BMPR2: variants seen among roughly 807,000 people sequenced by gnomAD.
BMPR2 encodes bone morphogenetic protein receptor type-2.
In BMPR2, 29 loss-of-function variants were observed where a neutral mutation model predicts 100.8. The ratio of observed to expected loss-of-function variants is 0.29; its 90% confidence interval spans 0.21 to 0.39. The LOEUF is 0.39. Ranked by LOEUF, BMPR2 falls within the 10% of genes least tolerant of loss-of-function variation. BMPR2 has a pLI of 1.00. For synonymous variants in BMPR2, 382 were observed against 442.3 expected (o/e 0.86, Z 1.71); for missense variants, 1,011 against 1,274.5 (o/e 0.79, Z 3.15).
chr2:202,555,716 A>G lies in BMPR2; in HGVS notation c.2051A>G (p.Asn684Ser), dbSNP rs1574506814. Residue 684 changes from asparagine (N) to serine (S), a missense_variant, in exon 12 of 13, where the codon AAT becomes AGT. Transcript: ENST00000374580. ...AACCTCAAGGAAAGCTCTGATGAGAATCTCATGGAGCACTCTCTTAAACAG... is the reference window on the plus strand; with the variant it reads ...AACCTCAAGGAAAGCTCTGATGAGAGTCTCATGGAGCACTCTCTTAAACAG... ...DKNLKESSDE[N>S]LMEHSLKQFS... is the part of the protein sequence containing the mutation. 1.9e-6 allele frequency: 3 copies of G among 1,614,138 alleles called. No individual in the cohort carries two copies. In the East Asian group the frequency reaches 6.7e-5, roughly 36 times the overall value.
chr2:202,546,728 C>T (rs566291903), intron 10 of BMPR2, among the ~76,000 whole-genome samples: 6 of 152,162 alleles, frequency 3.9e-5, no homozygotes, highest in East Asian at 3.9e-4. Flanking sequence ...CTCTGCCTCC[C>T]GAGTAGCTGG....
chr2:202,446,190 T>G (rs1691845521), intron 1 of BMPR2, among the ~76,000 whole-genome samples: 1 of 150,066 alleles, frequency 6.7e-6, no homozygotes, highest in African/African-American at 2.5e-5. Context: ...CCCCTGAGGT[T>G]GGGAGTTCAA....
intron 7 of BMPR2, among the ~76,000 whole-genome samples, chr2:202,525,842 A>G (rs907513634): frequency 7.8e-6 from 1 of 127,986 alleles, no homozygotes; most frequent in Non-Finnish European, 1.6e-5. Context: ...TATTTTTGCT[A>G]GTTGTTCAGA....
chr2:202,402,648 T>TTGTGTGTG lies in BMPR2; in HGVS notation c.76+25118_76+25125dup, dbSNP rs113771026. The stretch of plus-strand genomic sequence containing the variant: ...AACAATACTGATAGCAAAACTTGCA[T>TTGTGTGTG]TGTGTGTGTGTGTGTGTGTGTGTGT... On this transcript the variant is annotated intron_variant, in intron 1 of 12. Transcript: ENST00000374580. 4.0e-4 allele frequency among the ~76,000 whole-genome samples: 58 copies of TTGTGTGTG among 146,430 alleles called. 1 individual carries two copies. The highest frequency in any genetic ancestry group is 1.4e-3 in the African/African-American group (54 of 39,688).
At position 202,556,027 on chromosome 2, in the gene BMPR2, G is replaced by A. The variant is rs146310981; in HGVS notation, c.2362G>A (p.Val788Ile). ...AAACTTGAAACAAGTCGAAACTGGA[G>A]TTGCCAAGATGAATACAATCAATGC... ...KSNLKQVETG[V>I]AKMNTINAAE... The change falls in exon 12 of 13, where the codon GTT becomes ATT. Residue 788 changes from valine (V) to isoleucine (I), a missense_variant. Physicochemically the swap from Val to Ile is conservative, Grantham distance 29. Coordinates refer to ENST00000374580, the MANE Select transcript of BMPR2 (RefSeq NM_001204.7). The A allele has an allele frequency of 2.8e-5, 45 of 1,614,214 alleles. No homozygotes were observed. The highest frequency in any genetic ancestry group is 9.3e-5 in the African/African-American group (7 of 75,046).
At chr2:202,398,530 GTT>G (rs889185091) in intron 1 of BMPR2, among the ~76,000 whole-genome samples, 5 of 152,210 alleles carry the variant, frequency 3.3e-5, no homozygotes, top group African/African-American at 1.2e-4. Context: ...CAGGGAAGCA[GTT>G]AAAATAAGTT....
At chr2:202,486,508 TG>T (rs1692780250) in intron 3 of BMPR2, among the ~76,000 whole-genome samples, 1 of 151,886 alleles carries the variant, frequency 6.6e-6, no homozygotes, top group African/African-American at 2.4e-5. Flanking sequence ...GGTGCACGCC[TG>T]TAGTCCCAGC....
chr2:202,441,487 G>A (rs536358056), intron 1 of BMPR2, among the ~76,000 whole-genome samples: 3 of 134,242 alleles, frequency 2.2e-5, no homozygotes, highest in South Asian at 5.0e-4. Flanking sequence ...GGTGGATCAC[G>A]AGGTCAGCAG....
intron 1 of BMPR2, among the ~76,000 whole-genome samples, chr2:202,435,449 AGT>A (rs1691598351): frequency 7.0e-6 from 1 of 142,510 alleles, no homozygotes; most frequent in African/African-American, 2.7e-5. Context: ...TTTTAAGCTA[AGT>A]GTTTTATTAT....
chr2:202,397,509 T>C (rs964079938), intron 1 of BMPR2, among the ~76,000 whole-genome samples: 1 of 151,320 alleles, frequency 6.6e-6, no homozygotes, highest in South Asian at 2.1e-4. Context: ...TTTTTGTTTT[T>C]TTTTTTTGAG....
At chr2:202,488,802 A>C (rs2105979921) in intron 3 of BMPR2, among the ~76,000 whole-genome samples, 1 of 152,292 alleles carries the variant, frequency 6.6e-6, no homozygotes, top group Non-Finnish European at 1.5e-5. Flanking sequence ...AGTAGCATTA[A>C]GCACATTCAC....
At chr2:202,521,126 A>T (rs889427390) in intron 7 of BMPR2, 1 of 152,534 alleles carries the variant, frequency 6.6e-6, no homozygotes, top group Admixed American at 6.5e-5. Flanking sequence ...AGCTGGAGAT[A>T]AGGAATGAAT....
intron 10 of BMPR2, among the ~76,000 whole-genome samples, chr2:202,543,986 G>A (rs951053485): frequency 6.6e-6 from 1 of 152,060 alleles, no homozygotes; most frequent in Non-Finnish European, 1.5e-5. Context: ...TCCAGCCTGA[G>A]TAAGACCCTG....
intron 1 of BMPR2, among the ~76,000 whole-genome samples, chr2:202,408,055 G>A (rs940588404): frequency 6.6e-6 from 1 of 151,804 alleles, no homozygotes; most frequent in Admixed American, 6.6e-5. Context: ...GGATGGTCTC[G>A]ATCTCTTGAC....
chr2:202,491,106 G>A (rs1324013831), intron 3 of BMPR2, among the ~76,000 whole-genome samples: 1 of 151,990 alleles, frequency 6.6e-6, no homozygotes, highest in African/African-American at 2.4e-5. Context: ...ATTTTTGGTA[G>A]AGATGGGGTC....
chr2:202,531,879 T>A (rs1408063467), intron 8 of BMPR2, among the ~76,000 whole-genome samples: 1 of 149,552 alleles, frequency 6.7e-6, no homozygotes, highest in Non-Finnish European at 1.5e-5. Context: ...CCACCCACCT[T>A]GGCCTCCCAA....
chr2:202,515,704 A>G (rs751889915), intron 5 of BMPR2, among the ~76,000 whole-genome samples: 1 of 152,138 alleles, frequency 6.6e-6, no homozygotes, highest in Non-Finnish European at 1.5e-5. Context: ...AGCCTGGCCA[A>G]CATGGTGAAA....
rs1396990130 is a variant in BMPR2, at chr2:202,556,495, T to C, written c.2830T>C (p.Ser944Pro). 1 of 1,613,796 alleles carries C rather than the reference T, an allele frequency of 6.2e-7. No homozygotes were observed. The highest frequency in any genetic ancestry group is 8.5e-7 in the Non-Finnish European group (1 of 1,180,052). The change falls in exon 12 of 13, where the codon TCA becomes CCA. Residue 944 changes from serine to proline, a missense_variant. Ser to Pro is a moderately conservative substitution (Grantham distance 74, BLOSUM62 -1). Around this residue, in one of 6 missense-constraint regions of BMPR2, gnomAD observed 508 missense variants for 552.0 expected, o/e 0.92. Transcript: ENST00000374580. The stretch of plus-strand genomic sequence containing the variant: ...ACAGAGGCCTAATTCTCTGGATCTT[T>C]CAGCCACAAATGTCCTGGATGGCAG... Reference protein sequence around the residue: ...RAQRPNSLDLSATNVLDGSSI... With the variant: ...RAQRPNSLDLPATNVLDGSSI...
rs766524931 is a variant in BMPR2, at chr2:202,377,430, C to T, written c.-45C>T. 6 of 1,592,178 alleles carry T rather than the reference C, an allele frequency of 3.8e-6. No homozygotes were observed. Among genetic ancestry groups the T allele is most frequent in the Middle Eastern group, 1.7e-4 (1 of 6,044 alleles). On this transcript the variant is annotated 5_prime_UTR_variant, in exon 1 of 13. Coordinates refer to ENST00000374580, the MANE Select transcript of BMPR2 (RefSeq NM_001204.7). Reference sequence around the variant, plus strand: ...GGCTGTTTCTCCGCCGGTCTACTTCCCATATTTCTTTTCTTTGCCCTCCTG... The same window carrying T: ...GGCTGTTTCTCCGCCGGTCTACTTCTCATATTTCTTTTCTTTGCCCTCCTG...
Sources: gnomAD v4.1 joint callset for allele counts (sites outside exome capture counted in the v4.1 genomes callset) on GRCh38, gnomAD v4.1.1 for gene constraint, gnomAD v4.1.1 regional missense constraint, MANE v1.5 for transcripts, NCBI Gene and HGNC (gene_info 2026-07-23, HGNC 2026-07-21) for gene names.